KCNQ5: variants seen among roughly 807,000 people sequenced by gnomAD.
KCNQ5 encodes potassium voltage-gated channel subfamily KQT member 5.
A neutral mutation model predicts 98.2 loss-of-function variants in KCNQ5; 30 were observed. The observed-to-expected ratio is 0.31, with a 90% CI of 0.23 to 0.41. The LOEUF (loss-of-function observed/expected upper bound fraction) is 0.41, where lower values mean the gene tolerates loss of function less well. Ranked by LOEUF, KCNQ5 falls within the 10% of genes least tolerant of loss-of-function variation. KCNQ5 has a pLI of 1.00. For missense variants in KCNQ5, 835 were observed against 1,182.5 expected (o/e 0.71, Z 4.31); for synonymous variants, 458 against 449.4 (o/e 1.02, Z -0.24).
intron 1 of KCNQ5, among the ~76,000 whole-genome samples, chr6:72,668,180 C>A (rs1296016033): frequency 6.6e-6 from 1 of 152,068 alleles, no homozygotes; most frequent in Non-Finnish European, 1.5e-5. Flanking sequence ...ACAGGGTGTA[C>A]AATTTTTGCC....
At chr6:73,059,900 T>C (rs1431264767) in intron 3 of KCNQ5, among the ~76,000 whole-genome samples, 1 of 152,200 alleles carries the variant, frequency 6.6e-6, no homozygotes, top group Non-Finnish European at 1.5e-5. Context: ...AGGACCATTT[T>C]TTAAATCTAA....
At chr6:72,657,207 C>G (rs1044865899) in intron 1 of KCNQ5, among the ~76,000 whole-genome samples, 4 of 151,876 alleles carry the variant, frequency 2.6e-5, no homozygotes, top group African/African-American at 7.3e-5. Context: ...AAGACCCTGC[C>G]TCTAAAACTA....
intron 2 of KCNQ5, among the ~76,000 whole-genome samples, chr6:73,024,869 C>G (rs1031818313): frequency 7.9e-5 from 12 of 152,224 alleles, no homozygotes; most frequent in Non-Finnish European, 1.6e-4. Flanking sequence ...CAATAGTCAT[C>G]CCACTGCCCA....
At chr6:73,147,428 G>T (rs988004056) in intron 10 of KCNQ5, among the ~76,000 whole-genome samples, 6 of 152,108 alleles carry the variant, frequency 3.9e-5, no homozygotes, top group South Asian at 2.1e-4. Context: ...AACGTTAAAA[G>T]TTATATGCTT....
intron 2 of KCNQ5, among the ~76,000 whole-genome samples, chr6:73,006,594 A>G (rs1269389472): frequency 6.6e-6 from 1 of 152,184 alleles, no homozygotes; most frequent in African/African-American, 2.4e-5. Flanking sequence ...CGGAGGTTGC[A>G]GTGAACCGGG....
intron 10 of KCNQ5, chr6:73,143,600 G>A (rs539651423): frequency 2.6e-5 from 4 of 152,238 alleles, no homozygotes; most frequent in South Asian, 2.1e-4. Flanking sequence ...GCTCCATAGC[G>A]GCTCATTCTT....
chr6:72,803,989 T>A (rs987783764), intron 1 of KCNQ5, among the ~76,000 whole-genome samples: 1 of 152,102 alleles, frequency 6.6e-6, no homozygotes, highest in African/African-American at 2.4e-5. Context: ...TAAATATAGA[T>A]TGATATAAAC....
rs1357004479 is a variant in KCNQ5, at chr6:73,124,972, TATATATATACACACAC to T, written c.1247+462_1247+477del. On this transcript the variant is annotated intron_variant, in intron 9 of 13. Coordinates refer to ENST00000370398, the MANE Select transcript of KCNQ5 (RefSeq NM_019842.4). ...ATATATATATATATATATATATATA[TATATATATACACACAC>T]ACACATATATATATCATATACATAT... is the stretch of plus-strand genomic sequence containing the variant. Among the ~76,000 whole-genome samples the T allele has an allele frequency of 1.9e-3, 63 of 32,390 alleles. 4 individuals carry two copies. Among genetic ancestry groups the T allele is most frequent in the African/African-American group, 0.013 (59 of 4,416 alleles). 21.2% of individuals were successfully genotyped at this position (32,390 alleles called of 152,430 possible).
At chr6:72,656,067 C>T (rs1316157831) in intron 1 of KCNQ5, among the ~76,000 whole-genome samples, 2 of 152,164 alleles carry the variant, frequency 1.3e-5, no homozygotes, top group African/African-American at 4.8e-5. Flanking sequence ...ACCTTATTGG[C>T]ACAGGTGATT....
At chr6:72,696,274 G>A (rs559544527) in intron 1 of KCNQ5, among the ~76,000 whole-genome samples, 4 of 152,204 alleles carry the variant, frequency 2.6e-5, no homozygotes, top group African/African-American at 9.6e-5. Context: ...AGTGAAAATA[G>A]CATTTTAATA....
At chr6:72,675,561 C>A (rs1166994407) in intron 1 of KCNQ5, among the ~76,000 whole-genome samples, 1 of 152,212 alleles carries the variant, frequency 6.6e-6, no homozygotes, top group Non-Finnish European at 1.5e-5. Context: ...GACAAACAAT[C>A]TGAGATTAAC....
At chr6:72,937,285 A>G (rs576738085) in intron 1 of KCNQ5, among the ~76,000 whole-genome samples, 61 of 152,274 alleles carry the variant, frequency 4.0e-4, no homozygotes, top group Middle Eastern at 3.4e-3. Flanking sequence ...TCCTGGACAA[A>G]TTCAGCTGCC....
intron 1 of KCNQ5, among the ~76,000 whole-genome samples, chr6:72,718,684 C>T (rs903100528): frequency 6.6e-5 from 10 of 151,892 alleles, no homozygotes; most frequent in Non-Finnish European, 1.2e-4. Flanking sequence ...CTCTTGACCT[C>T]GTGATCCGCC....
At chr6:73,141,192 G>A (rs754745025) in intron 10 of KCNQ5, among the ~76,000 whole-genome samples, 5 of 152,220 alleles carry the variant, frequency 3.3e-5, no homozygotes, top group African/African-American at 4.8e-5. Context: ...ACTTCCACGT[G>A]ATGGAAAGGG....
intron 3 of KCNQ5, chr6:73,055,011 T>C (rs1772407066): frequency 2.1e-6 from 1 of 482,938 alleles, no homozygotes; most frequent in African/African-American, 2.0e-5. Context: ...ACAAAGTCAA[T>C]GTACAAAAAT....
At chr6:73,151,563 G>C (rs974891187) in intron 10 of KCNQ5, among the ~76,000 whole-genome samples, 59 of 152,032 alleles carry the variant, frequency 3.9e-4, no homozygotes, top group Non-Finnish European at 4.4e-5. Flanking sequence ...TAAATACCTT[G>C]TTCATTGTTG....
chr6:73,012,258 A>T (rs1359588179), intron 2 of KCNQ5, among the ~76,000 whole-genome samples: 1 of 152,132 alleles, frequency 6.6e-6, no homozygotes, highest in Non-Finnish European at 1.5e-5. Context: ...AATATGGCAT[A>T]TACATACAAA....
intron 2 of KCNQ5, among the ~76,000 whole-genome samples, chr6:73,015,540 C>G (rs1770291885): frequency 6.6e-6 from 1 of 152,078 alleles, no homozygotes; most frequent in Admixed American, 6.6e-5. Flanking sequence ...TTTATGCAAA[C>G]ATTGATGTCT....
At chr6:72,712,666 AAC>A (rs1769428391) in intron 1 of KCNQ5, among the ~76,000 whole-genome samples, 1 of 152,176 alleles carries the variant, frequency 6.6e-6, no homozygotes, top group Non-Finnish European at 1.5e-5. Flanking sequence ...CAACTAATAG[AAC>A]ACCAATAGGT....
Sources: allele counts gnomAD v4.1 joint callset (sites outside exome capture counted in the v4.1 genomes callset), GRCh38; gene constraint gnomAD v4.1.1; transcripts MANE v1.5; gene names NCBI Gene and HGNC (gene_info 2026-07-23, HGNC 2026-07-21).